MRNIP: variants seen among roughly 807,000 people sequenced by gnomAD.
MRNIP encodes the protein MRN complex interacting protein, also known as MRN complex-interacting protein.
In MRNIP, 30 loss-of-function variants were observed where a neutral mutation model predicts 29.8. The observed-to-expected ratio is 1.01, with a 90% CI of 0.75 to 1.36. The LOEUF (loss-of-function observed/expected upper bound fraction) is 1.36. MRNIP is among the 40% of genes most tolerant of loss of function. The probability of loss-of-function intolerance (pLI) is 0.00; values close to 1 mark genes in which losing one functional copy is unlikely to be tolerated. For missense variants in MRNIP, 459 were observed against 423.5 expected (o/e 1.08, Z -0.74); for synonymous variants, 201 against 164.1 (o/e 1.23, Z -1.72).
intron 3 of MRNIP, among the ~76,000 whole-genome samples, chr5:179,845,582 G>C (rs1759094281): frequency 6.6e-6 from 1 of 151,540 alleles, no homozygotes; most frequent in Non-Finnish European, 1.5e-5. Flanking sequence ...TGCAACCTCT[G>C]CCTCCCAGGC....
chr5:179,840,533 A>T (rs1049071855), intron 6 of MRNIP: 3 of 453,712 alleles, frequency 6.6e-6, no homozygotes, highest in African/African-American at 6.0e-5. Flanking sequence ...CCCGCTGACG[A>T]CTCCTGCCCG....
intron 2 of MRNIP, among the ~76,000 whole-genome samples, chr5:179,852,464 TACTC>T (rs1759414234): frequency 6.6e-6 from 1 of 152,156 alleles, no homozygotes; most frequent in Non-Finnish European, 1.5e-5. Context: ...GCCAGTTCCT[TACTC>T]ACTCCACAAA....
chr5:179,840,544 GA>G (rs1758835446), intron 6 of MRNIP: 2 of 474,328 alleles, frequency 4.2e-6, no homozygotes, highest in East Asian at 7.1e-5. Flanking sequence ...CTCCTGCCCG[GA>G]CAAAGGTCCC....
chr5:179,857,060 C>G (rs1038445355), intron 1 of MRNIP, among the ~76,000 whole-genome samples: 2 of 152,132 alleles, frequency 1.3e-5, no homozygotes, highest in South Asian at 4.1e-4. Flanking sequence ...GCACTCCAAT[C>G]TGGGCGACAA....
chr5:179,842,164 A>G lies in MRNIP; in HGVS notation c.292-100T>C. The stretch of plus-strand genomic sequence containing the variant: ...CTTGGGCCTGAGGATCTCAGGAGTC[A>G]TGTCCAGCTCCACTCTAGGAAAGGC... On this transcript the variant is annotated intron_variant, in intron 4 of 6. Transcript: ENST00000292586. The G allele has an allele frequency of 2.5e-6, 3 of 1,182,708 alleles. No individual in the cohort carries two copies. In the South Asian group the frequency reaches 4.2e-5, roughly 17 times the overall value. The allele number at this position is 1,182,708 out of a possible 1,614,324, so 73.3% of individuals were successfully genotyped here. A position where few individuals can be genotyped will look rare whatever the true frequency, so the allele number is the denominator to read the frequency against.
At chr5:179,851,011 C>T (rs891566930) in intron 2 of MRNIP, 15 of 339,054 alleles carry the variant, frequency 4.4e-5, no homozygotes, top group African/African-American at 1.3e-4. Flanking sequence ...TCAAGGGCAG[C>T]GCCCTGCTGA....
chr5:179,843,060 AG>A lies in MRNIP; in HGVS notation c.292-997del, dbSNP rs1354212754. 1.2e-3 allele frequency among the ~76,000 whole-genome samples: 99 copies of A among 85,484 alleles called. 1 individual carries two copies. The Middle Eastern group carries it at 0.021, about 18-fold the overall frequency. 56.1% of individuals were successfully genotyped at this position (85,484 alleles called of 152,430 possible). A position where few individuals can be genotyped will look rare whatever the true frequency, so the allele number is the denominator to read the frequency against. On this transcript the variant is annotated intron_variant, in intron 4 of 6. Transcript: ENST00000292586. ...GAGGAAAGAAGGAAGGAAGGAAGGA[AG>A]GGAGGGAGGGAGGGAGGGAGGCAGG...
In MRNIP at chr5:179,853,384, A is replaced by G. The variant is rs1582056511; in HGVS notation, c.120T>C (p.Phe40=). The change falls in exon 2 of 7, where the codon TTT becomes TTC. Residue 40 remains phenylalanine (F), a synonymous_variant. Transcript: ENST00000292586. The part of the protein sequence containing the change: ...TCKACGEKQS[F]LQAYGEGSGA... ...TCTGTTTTGTAGGACTCACCTGCAA[A>G]AAGGACTGCTTCTCTCCACAAGCTT... is the stretch of plus-strand genomic sequence containing the variant. 2 of 1,613,304 alleles carry G rather than the reference A, an allele frequency of 1.2e-6. No individual in the cohort carries two copies. Among genetic ancestry groups the G allele is most frequent in the Non-Finnish European group, 1.7e-6 (2 of 1,179,784 alleles).
In MRNIP at chr5:179,858,815, C is replaced by G. The variant is rs915124889; in HGVS notation, c.-19G>C. 2.0e-6 allele frequency: 3 copies of G among 1,537,948 alleles called. No individual in the cohort carries two copies. Among genetic ancestry groups the G allele is most frequent in the Non-Finnish European group, 2.6e-6 (3 of 1,143,426 alleles). Reference sequence around the variant, plus strand: ...ACGCCATCCCTGCTTGTGCAGTCGCCAGGCAGCCAAGCGCGTGCGCTCTGC... The same window carrying G: ...ACGCCATCCCTGCTTGTGCAGTCGCGAGGCAGCCAAGCGCGTGCGCTCTGC... On this transcript the variant is annotated 5_prime_UTR_variant, in exon 1 of 7. Transcript: ENST00000292586.
intron 3 of MRNIP, chr5:179,847,157 CTTACTTTTTTTT>C (rs1759168713): frequency 8.9e-6 from 1 of 111,904 alleles, no homozygotes; most frequent in African/African-American, 3.1e-5. Flanking sequence ...CTGAGAGTTA[CTTACTTTTTTTT>C]TTTTTTTTTT....
chr5:179,843,753 AAAAC>A (rs1251441306), intron 4 of MRNIP, among the ~76,000 whole-genome samples: 16 of 151,348 alleles, frequency 1.1e-4, no homozygotes, highest in African/African-American at 3.9e-4. Flanking sequence ...GAAAAAAAAC[AAAAC>A]AAAACAAAAC....
intron 4 of MRNIP, 143 bp downstream of exon 4, chr5:179,844,009 T>G (rs1759021493): frequency 1.5e-6 from 1 of 684,506 alleles, no homozygotes; most frequent in Non-Finnish European, 2.6e-6. Context: ...TTATTTATTT[T>G]TGTGTTCCCT....
chr5:179,851,158 G>A (rs1411276990), intron 2 of MRNIP: 1 of 451,274 alleles, frequency 2.2e-6, no homozygotes, highest in Non-Finnish European at 4.4e-6. Flanking sequence ...AGGCATTGAG[G>A]GGAGTAAGAA....
At chr5:179,840,827 C>T (rs374971185) in intron 6 of MRNIP, 45 bp downstream of exon 6, 34 of 1,283,972 alleles carry the variant, frequency 2.6e-5, no homozygotes, top group East Asian at 1.9e-4. Flanking sequence ...ATCACACACA[C>T]GCTCAGTGGT....
rs1248431561 is a variant in MRNIP, at chr5:179,840,941, G to A, written c.468C>T (p.Thr156=). 46 of 1,608,416 alleles carry A rather than the reference G, an allele frequency of 2.9e-5. No homozygotes were observed. Among genetic ancestry groups the A allele is most frequent in the Middle Eastern group, 1.7e-4 (1 of 5,734 alleles). Residue 156 remains threonine (T), a synonymous_variant, in exon 6 of 7, where the codon ACC becomes ACT. Coordinates refer to ENST00000292586, the MANE Select transcript of MRNIP (RefSeq NM_016175.4). ...LPRKRKWSRS[T]VQPPCSRGVQ... is the part of the protein sequence containing the mutation. ...CGCCACGGCTGCACGGAGGCTGGAC[G>A]GTGCTCCTGCTCCACTTCCTGTCAG...
intron 5 of MRNIP, 65 bp from the exon 6 acceptor site, chr5:179,841,024 C>A: frequency 8.4e-7 from 1 of 1,191,016 alleles, no homozygotes; most frequent in South Asian, 1.3e-5. Flanking sequence ...CCTGACTCCA[C>A]GATCACATGG....
At chr5:179,855,546 T>C (rs1376205910) in intron 1 of MRNIP, among the ~76,000 whole-genome samples, 3 of 152,194 alleles carry the variant, frequency 2.0e-5, no homozygotes, top group East Asian at 1.9e-4. Flanking sequence ...AAAATTAATA[T>C]AGCTTTTATA....
intron 3 of MRNIP, 119 bp from the exon 4 acceptor site, chr5:179,844,346 AGTTCGAGACAAGTCTGACGAACACGGTG>A: frequency 1.3e-6 from 1 of 759,014 alleles, no homozygotes; most frequent in East Asian, 2.5e-5. Flanking sequence ...TGAGGTCAGG[AGTTCGAGACAAGTCTGACGAACACGGTG>A]GTGCATACCT....
In MRNIP at chr5:179,852,075, G is replaced by A. The variant is rs188897601; in HGVS notation, c.126+1303C>T. On this transcript the variant is annotated intron_variant, in intron 2 of 6. Coordinates refer to ENST00000292586, the MANE Select transcript of MRNIP (RefSeq NM_016175.4). ...GCAGGTGGATCATTTGAGGTCAGGA[G>A]TTCAAGACCAGCCTGGCCAACATGG... Among the ~76,000 whole-genome samples the A allele has an allele frequency of 3.7e-3, 564 of 152,152 alleles. 1 individual carries two copies. Among genetic ancestry groups the A allele is most frequent in the Non-Finnish European group, 4.2e-3 (287 of 68,016 alleles).
Sources: allele counts gnomAD v4.1 joint callset (sites outside exome capture counted in the v4.1 genomes callset), GRCh38; gene constraint gnomAD v4.1.1; transcripts MANE v1.5; gene names NCBI Gene and HGNC (gene_info 2026-07-23, HGNC 2026-07-21).